DTD1: variants seen among roughly 807,000 people sequenced by gnomAD.
DTD1 encodes the protein D-tyrosyl-tRNA deacylase 1 homolog.
DTD1 carries 13 observed loss-of-function variants against 25.6 expected under a neutral mutation model. The ratio of observed to expected loss-of-function variants is 0.51; its 90% CI spans 0.33 to 0.81. The LOEUF (loss-of-function observed/expected upper bound fraction) is 0.81. DTD1 is among the 30% of genes least tolerant of loss of function. The pLI, the probability that DTD1 is intolerant of heterozygous loss-of-function variation, is 0.02. For synonymous variants in DTD1, 110 were observed against 103.6 expected (o/e 1.06, Z -0.37); for missense variants, 193 against 266.4 (o/e 0.72, Z 1.92).
intron 5 of DTD1, among the ~76,000 whole-genome samples, chr20:18,751,159 T>C (rs1438191210): frequency 6.6e-6 from 1 of 152,150 alleles, no homozygotes; most frequent in Admixed American, 6.5e-5. Context: ...TAGGACTCCT[T>C]TCATTCTCTG....
chr20:18,703,294 T>G (rs1423257826), intron 4 of DTD1, among the ~76,000 whole-genome samples: 1 of 152,126 alleles, frequency 6.6e-6, no homozygotes, highest in Non-Finnish European at 1.5e-5. Context: ...GAGCTTTTCT[T>G]TTTTCCTTCT....
At chr20:18,595,182 A>G (rs1330103288) in intron 2 of DTD1, among the ~76,000 whole-genome samples, 2 of 152,172 alleles carry the variant, frequency 1.3e-5, no homozygotes, top group Non-Finnish European at 2.9e-5. Context: ...CTTGTGACAT[A>G]GTTTTCAAGG....
At chr20:18,634,499 G>GT (rs757014338) in intron 4 of DTD1, among the ~76,000 whole-genome samples, 28 of 152,232 alleles carry the variant, frequency 1.8e-4, no homozygotes, top group Non-Finnish European at 3.5e-4. Flanking sequence ...TAACGGACGT[G>GT]TTTATTGACA....
At position 18,763,739 on chromosome 20, in the gene DTD1, T is replaced by C. The variant is rs9139; in HGVS notation, c.*399T>C. 0.14 allele frequency: 21,332 copies of C among 152,424 alleles called. 1,842 individuals carry two copies. The highest frequency in any genetic ancestry group is 0.19 in the Non-Finnish European group (13,209 of 68,000). 9.4% of individuals were successfully genotyped at this position (152,424 alleles called of 1,614,324 possible). On this transcript the variant is annotated 3_prime_UTR_variant, in exon 6 of 6. Coordinates refer to ENST00000377452, the MANE Select transcript of DTD1 (RefSeq NM_080820.6). ...CGTGTCCATGGCGGGGGTTCTCCAATACACTCACACTGTCCATGTTCTTTT... is the reference window on the plus strand; with the variant it reads ...CGTGTCCATGGCGGGGGTTCTCCAACACACTCACACTGTCCATGTTCTTTT...
chr20:18,684,208 C>T lies in DTD1; in HGVS notation c.477+55975C>T, dbSNP rs539694935. Reference sequence around the variant, plus strand: ...GTGGATCTCCCCACTCCTGCCTCCCCACCCCACCCCTGCATGATGGGCTCC... The same window carrying T: ...GTGGATCTCCCCACTCCTGCCTCCCTACCCCACCCCTGCATGATGGGCTCC... On this transcript the variant is annotated intron_variant, in intron 4 of 5. Transcript: ENST00000377452. 2.6e-5 allele frequency among the ~76,000 whole-genome samples: 4 copies of T among 152,178 alleles called. No individual in the cohort carries two copies. The South Asian group carries it at 8.3e-4, about 32-fold the overall frequency.
chr20:18,710,322 T>A (rs1412228798), intron 4 of DTD1, among the ~76,000 whole-genome samples: 2 of 152,230 alleles, frequency 1.3e-5, no homozygotes, highest in Non-Finnish European at 2.9e-5. Context: ...AATGGACTTT[T>A]TGAGAAAATA....
chr20:18,729,457 A>G (rs143160862), intron 4 of DTD1, among the ~76,000 whole-genome samples: 700 of 152,314 alleles, frequency 4.6e-3, no homozygotes, highest in Non-Finnish European at 7.3e-3. Context: ...TGAGATTTCA[A>G]TTAAATTTGC....
chr20:18,716,705 C>T (rs1383654544), intron 4 of DTD1, among the ~76,000 whole-genome samples: 1 of 152,206 alleles, frequency 6.6e-6, no homozygotes, highest in African/African-American at 2.4e-5. Flanking sequence ...GGGGTGCCAA[C>T]TCCCCACTAA....
intron 4 of DTD1, among the ~76,000 whole-genome samples, chr20:18,654,940 G>A (rs2122360785): frequency 6.6e-6 from 1 of 152,336 alleles, no homozygotes; most frequent in South Asian, 2.1e-4. Flanking sequence ...TGCTTTTAAA[G>A]TGAGATTACA....
At chr20:18,640,629 ATTT>A (rs61085364) in intron 4 of DTD1, among the ~76,000 whole-genome samples, 47 of 140,286 alleles carry the variant, frequency 3.4e-4, no homozygotes, top group East Asian at 6.1e-4. Context: ...TATCTGCAGA[ATTT>A]TTTTTTTTTT....
intron 3 of DTD1, among the ~76,000 whole-genome samples, chr20:18,619,598 G>A (rs1014514408): frequency 4.0e-5 from 6 of 151,666 alleles, no homozygotes. Flanking sequence ...CTAATTCTTT[G>A]TATTTTAGTA....
intron 4 of DTD1, chr20:18,632,313 TA>T (rs1418252616): frequency 2.0e-6 from 2 of 985,376 alleles, no homozygotes; most frequent in Admixed American, 6.1e-5. Flanking sequence ...CAACTTCATT[TA>T]CATGGACCAG....
At chr20:18,666,962 G>A (rs993726944) in intron 4 of DTD1, among the ~76,000 whole-genome samples, 1 of 152,148 alleles carries the variant, frequency 6.6e-6, no homozygotes, top group Non-Finnish European at 1.5e-5. Context: ...GGAAGAAGGC[G>A]CTGCTCCTGG....
Position 18,680,450 on chromosome 20 carries a change from T to C in DTD1, c.477+52217T>C, listed in dbSNP as rs1231124851. Among the ~76,000 whole-genome samples, 3 of 145,172 alleles carry C rather than the reference T, an allele frequency of 2.1e-5. No homozygotes were observed. The Admixed American group carries it at 2.2e-4, about 10-fold the overall frequency. On this transcript the variant is annotated intron_variant, in intron 4 of 5. Transcript: ENST00000377452. ...TTTTTTTTGGTCTCACTATGTTGCCTGGACTGGTCTTGAACTCCTGGGGTC... is the reference window on the plus strand; with the variant it reads ...TTTTTTTTGGTCTCACTATGTTGCCCGGACTGGTCTTGAACTCCTGGGGTC...
intron 3 of DTD1, among the ~76,000 whole-genome samples, chr20:18,618,029 A>G (rs1392611358): frequency 1.3e-5 from 2 of 152,222 alleles, no homozygotes; most frequent in Non-Finnish European, 2.9e-5. Context: ...CTTAAAAACA[A>G]CAGTGACATG....
intron 4 of DTD1, among the ~76,000 whole-genome samples, chr20:18,727,500 G>C (rs1171437255): frequency 6.6e-6 from 1 of 152,168 alleles, no homozygotes; most frequent in Admixed American, 6.5e-5. Flanking sequence ...CTGAAGGAGA[G>C]GGCGGCCCTG....
At chr20:18,666,397 G>A (rs6112056) in intron 4 of DTD1, among the ~76,000 whole-genome samples, 1 of 152,158 alleles carries the variant, frequency 6.6e-6, no homozygotes, top group Admixed American at 6.5e-5. Context: ...GAGTCACTAA[G>A]CACAGTCCTT....
chr20:18,748,506 G>A (rs1341519810), intron 5 of DTD1, among the ~76,000 whole-genome samples: 1 of 152,124 alleles, frequency 6.6e-6, no homozygotes, highest in African/African-American at 2.4e-5. Flanking sequence ...TTAGTGTTCT[G>A]TGGCCCCTGG....
intron 4 of DTD1, chr20:18,678,961 C>T (rs2060986430): frequency 6.6e-6 from 1 of 152,194 alleles, no homozygotes; most frequent in East Asian, 1.9e-4. Context: ...TCCATGTTGT[C>T]TGGTCATCCA....
Sources: allele counts gnomAD v4.1 joint callset (sites outside exome capture counted in the v4.1 genomes callset), GRCh38; gene constraint gnomAD v4.1.1; transcripts MANE v1.5; gene names NCBI Gene and HGNC (gene_info 2026-07-23, HGNC 2026-07-21).